Variants in GPD2 observed in about 807,000 individuals in gnomAD.
GPD2 encodes the protein glycerol-3-phosphate dehydrogenase 2, also known as glycerol-3-phosphate dehydrogenase, mitochondrial.
GPD2 carries 54 observed loss-of-function variants against 82.4 expected under a neutral mutation model. The observed-to-expected ratio is 0.66, with a 90% CI of 0.53 to 0.82. The LOEUF (loss-of-function observed/expected upper bound fraction) is 0.82. Among genes scored for constraint, GPD2 ranks in the 40% least tolerant of loss-of-function variants. GPD2 has a pLI of 0.00. For missense variants in GPD2, 748 were observed against 896.2 expected (o/e 0.83, Z 2.11); for synonymous variants, 288 against 306.1 (o/e 0.94, Z 0.62).
upstream of GPD2, among the ~76,000 whole-genome samples, chr2:156,431,627 C>T (rs1289895727): frequency 6.6e-6 from 1 of 151,938 alleles, no homozygotes; most frequent in Non-Finnish European, 1.5e-5. Flanking sequence ...AATTGTGTTC[C>T]TGTTACATAC....
intron 3 of GPD2, chr2:156,501,982 G>C (rs188624680): frequency 8.2e-5 from 13 of 158,546 alleles, no homozygotes; most frequent in African/African-American, 2.9e-4. Flanking sequence ...CTATAAATTA[G>C]TCTATCAGTC....
At chr2:156,470,068 G>A (rs765809327) in intron 1 of GPD2, among the ~76,000 whole-genome samples, 27 of 152,134 alleles carry the variant, frequency 1.8e-4, no homozygotes, top group Non-Finnish European at 2.9e-4. Flanking sequence ...CTAAACAAGG[G>A]GTGGCTTATT....
intron 6 of GPD2, among the ~76,000 whole-genome samples, chr2:156,528,825 A>G (rs1685715309): frequency 1.3e-5 from 2 of 151,898 alleles, no homozygotes; most frequent in Admixed American, 1.3e-4. Flanking sequence ...CATTTTCTTA[A>G]TCCAGTCTAT....
At chr2:156,564,115 T>G (rs1490550711) in intron 9 of GPD2, among the ~76,000 whole-genome samples, 1 of 152,092 alleles carries the variant, frequency 6.6e-6, no homozygotes. Context: ...GGTTTTTTTG[T>G]TTGTTAAGTA....
chr2:156,515,077 A>G lies in GPD2; in HGVS notation c.661+1581A>G, dbSNP rs912355033. On this transcript the variant is annotated intron_variant, in intron 6 of 16. Coordinates refer to ENST00000438166, the MANE Select transcript of GPD2 (RefSeq NM_000408.5). ...CTTTGTGATCTATTAGGCACTAACC[A>G]ATTTTATTTGTAAGCTTGTCAATAT... 8.5e-5 allele frequency among the ~76,000 whole-genome samples: 13 copies of G among 152,122 alleles called. 1 individual carries two copies. Among genetic ancestry groups the G allele is most frequent in the Admixed American group, 7.9e-4 (12 of 15,264 alleles).
intron 1 of GPD2, among the ~76,000 whole-genome samples, chr2:156,451,427 C>G (rs1214942330): frequency 3.0e-5 from 4 of 133,170 alleles, no homozygotes; most frequent in Non-Finnish European, 6.6e-5. Context: ...GGGCTGACCC[C>G]CCCACCTCCC....
In GPD2 at chr2:156,565,260, CGTT is replaced by C. The variant is rs564315638; in HGVS notation, c.1166-3562_1166-3560del. On this transcript the variant is annotated intron_variant, in intron 9 of 16. Coordinates refer to ENST00000438166, the MANE Select transcript of GPD2 (RefSeq NM_000408.5). Reference sequence around the variant, plus strand: ...AGGGACTGTGGGGTGACCACAATGACGTTGTAAGCGGGTTTGCTAACTTTTATT... The same window carrying C: ...AGGGACTGTGGGGTGACCACAATGACGTAAGCGGGTTTGCTAACTTTTATT... 2.6e-3 allele frequency among the ~76,000 whole-genome samples: 389 copies of C among 152,224 alleles called. 4 individuals carry two copies. The highest frequency in any genetic ancestry group is 8.9e-3 in the African/African-American group (369 of 41,558).
At chr2:156,556,877 C>G (rs1686982194) in intron 8 of GPD2, among the ~76,000 whole-genome samples, 1 of 152,148 alleles carries the variant, frequency 6.6e-6, no homozygotes. Context: ...TTTGTGATTA[C>G]ATTTTAGTTT....
chr2:156,495,078 C>T (rs1477116127), intron 2 of GPD2, among the ~76,000 whole-genome samples: 3 of 152,152 alleles, frequency 2.0e-5, no homozygotes, highest in Non-Finnish European at 4.4e-5. Context: ...GGTGCAGTGG[C>T]TCATGCCTGT....
intron 3 of GPD2, among the ~76,000 whole-genome samples, chr2:156,510,342 T>G (rs1040165677): frequency 6.6e-6 from 1 of 152,094 alleles, no homozygotes; most frequent in Non-Finnish European, 1.5e-5. Context: ...CAGAAGGAAG[T>G]CTAGTCTAGA....
chr2:156,449,782 G>A (rs1017986370), intron 1 of GPD2, among the ~76,000 whole-genome samples: 3 of 150,392 alleles, frequency 2.0e-5, no homozygotes, highest in African/African-American at 7.3e-5. Context: ...AGGCTGAGGC[G>A]GGTGAATCAC....
At chr2:156,533,930 C>T (rs375453073) in intron 6 of GPD2, among the ~76,000 whole-genome samples, 3 of 152,204 alleles carry the variant, frequency 2.0e-5, no homozygotes, top group Non-Finnish European at 4.4e-5. Context: ...TCCTGAAGCC[C>T]CAGTGGGCAT....
At chr2:156,444,383 C>T (rs1373551007) in intron 1 of GPD2, among the ~76,000 whole-genome samples, 1 of 152,146 alleles carries the variant, frequency 6.6e-6, no homozygotes, top group Non-Finnish European at 1.5e-5. Context: ...TTCCCCATCC[C>T]CATCCGCCAT....
chr2:156,528,214 T>C (rs1394977465), intron 6 of GPD2, among the ~76,000 whole-genome samples: 3 of 152,034 alleles, frequency 2.0e-5, no homozygotes, highest in Admixed American at 2.0e-4. Context: ...ACATGTCTAT[T>C]GTATAAAACC....
upstream of GPD2, among the ~76,000 whole-genome samples, chr2:156,433,845 A>G (rs1390950397): frequency 6.6e-6 from 1 of 152,236 alleles, no homozygotes; most frequent in African/African-American, 2.4e-5. Flanking sequence ...GCTAGGCACT[A>G]GAGTACAAAA....
At chr2:156,542,140 C>T (rs980934506) in intron 6 of GPD2, among the ~76,000 whole-genome samples, 2 of 152,020 alleles carry the variant, frequency 1.3e-5, no homozygotes, top group Admixed American at 6.6e-5. Context: ...CACAATGTTT[C>T]GTTTATATGG....
the GPD2 span, among the ~76,000 whole-genome samples, chr2:156,401,220 A>C: frequency 6.6e-6 from 1 of 152,234 alleles, no homozygotes; most frequent in South Asian, 2.1e-4. Context: ...ACCAATGCTT[A>C]TAGCAAATGT....
At chr2:156,509,919 G>A (rs866126706) in intron 3 of GPD2, among the ~76,000 whole-genome samples, 36 of 151,766 alleles carry the variant, frequency 2.4e-4, no homozygotes, top group African/African-American at 6.8e-4. Flanking sequence ...GATTACAGGC[G>A]CATGCCACCA....
the GPD2 span, among the ~76,000 whole-genome samples, chr2:156,427,978 A>G: frequency 2.0e-5 from 3 of 152,094 alleles, no homozygotes; most frequent in Non-Finnish European, 2.9e-5. Flanking sequence ...CAATCTTCCT[A>G]TTACTTTTCT....
Sources: allele counts gnomAD v4.1 joint callset (sites outside exome capture counted in the v4.1 genomes callset), GRCh38; gene constraint gnomAD v4.1.1; transcripts MANE v1.5; gene names NCBI Gene and HGNC (gene_info 2026-07-23, HGNC 2026-07-21).